The following HABP4 variants were observed in gnomAD, a reference collection of about 807,000 sequenced individuals.
The protein encoded by HABP4 is intracellular hyaluronan-binding protein 4.
A neutral mutation model predicts 44.1 loss-of-function variants in HABP4; 32 were observed. The observed-to-expected ratio is 0.73, with a 90% CI of 0.55 to 0.97. The LOEUF is 0.97. Among genes scored for constraint, HABP4 ranks in the 50% least tolerant of loss-of-function variants. The pLI is 0.00. For missense variants in HABP4, 503 were observed against 561.9 expected (o/e 0.90, Z 1.06); for synonymous variants, 216 against 218.0 (o/e 0.99, Z 0.08).
In HABP4 at chr9:96,462,611, C is replaced by CA. The variant is rs35043603; in HGVS notation, c.513-2712dup. Among the ~76,000 whole-genome samples, 963 of 126,328 alleles carry CA rather than the reference C, an allele frequency of 7.6e-3. 4 individuals are homozygous for CA. Among genetic ancestry groups the CA allele is most frequent in the African/African-American group, 0.017 (617 of 35,534 alleles). The allele number at this position is 126,328 out of a possible 152,430, so 82.9% of individuals were successfully genotyped here. A position where few individuals can be genotyped will look rare whatever the true frequency, so the allele number is the denominator to read the frequency against. On this transcript the variant is annotated intron_variant, in intron 2 of 7. Transcript: ENST00000375249. ...TGGGAGACAGAACGAGACTCTGTCT[C>CA]AAAAAAAAAAAAAAGAGAGAGAGTT...
At chr9:96,464,510 T>C (rs1185353938) in intron 2 of HABP4, among the ~76,000 whole-genome samples, 1 of 152,350 alleles carries the variant, frequency 6.6e-6, no homozygotes, top group East Asian at 1.9e-4. Flanking sequence ...AACTTTTCCC[T>C]TCTGTGAATC....
intron 5 of HABP4, among the ~76,000 whole-genome samples, chr9:96,477,989 C>T (rs572302839): frequency 2.0e-5 from 3 of 152,288 alleles, no homozygotes; most frequent in South Asian, 2.1e-4. Flanking sequence ...GTTCTTTCTC[C>T]GAGCATACTT....
intron 5 of HABP4, among the ~76,000 whole-genome samples, chr9:96,479,643 T>C (rs1253782984): frequency 6.6e-6 from 1 of 151,988 alleles, no homozygotes; most frequent in Non-Finnish European, 1.5e-5. Context: ...CCCGAGTAGC[T>C]GGGATTACAG....
chr9:96,467,023 AGTGATTCTCCTG>A lies in HABP4; in HGVS notation c.743+1246_743+1257del, dbSNP rs376806062. Among the ~76,000 whole-genome samples, 686 of 151,462 alleles carry A rather than the reference AGTGATTCTCCTG, an allele frequency of 4.5e-3. 9 individuals are homozygous for A. Among genetic ancestry groups the A allele is most frequent in the African/African-American group, 0.016 (663 of 41,208 alleles). Reference sequence around the variant, plus strand: ...CTGCAACCTCCGCTGCCCAGGTTCAAGTGATTCTCCTGCCTCAGCCTCCCAGGTAGGTGGGAC... The same window carrying A: ...CTGCAACCTCCGCTGCCCAGGTTCAACCTCAGCCTCCCAGGTAGGTGGGAC... On this transcript the variant is annotated intron_variant, in intron 4 of 7. Transcript: ENST00000375249.
intron 4 of HABP4, among the ~76,000 whole-genome samples, chr9:96,468,163 A>G (rs1422755834): frequency 6.6e-6 from 1 of 151,764 alleles, no homozygotes; most frequent in African/African-American, 2.4e-5. Context: ...GCTTACCATA[A>G]CCTTGAAACC....
At chr9:96,465,205 T>TA in intron 2 of HABP4, 132 bp from the exon 3 acceptor site, 1 of 678,182 alleles carries the variant, frequency 1.5e-6, no homozygotes, top group Non-Finnish European at 2.6e-6. Context: ...CACTAAAGGT[T>TA]AACTATTAAT....
chr9:96,490,729 T>G lies in HABP4; in HGVS notation c.*691T>G, dbSNP rs1421269700. On this transcript the variant is annotated 3_prime_UTR_variant, in exon 8 of 8. Coordinates refer to ENST00000375249, the MANE Select transcript of HABP4 (RefSeq NM_014282.4). Reference sequence around the variant, plus strand: ...GGTGGTTTTTAGGAAGAATATTAAGTATGTGACTTCAAAAACCATGTTATT... The same window carrying G: ...GGTGGTTTTTAGGAAGAATATTAAGGATGTGACTTCAAAAACCATGTTATT... The G allele has an allele frequency of 6.6e-6, 1 of 152,136 alleles. No homozygotes were observed. Among genetic ancestry groups the G allele is most frequent in the Non-Finnish European group, 1.5e-5 (1 of 68,032 alleles). The allele number at this position is 152,136 out of a possible 1,614,324, so 9.4% of individuals were successfully genotyped here.
At chr9:96,451,884 A>G (rs1587766120) in intron 1 of HABP4, among the ~76,000 whole-genome samples, 1 of 152,192 alleles carries the variant, frequency 6.6e-6, no homozygotes, top group Non-Finnish European at 1.5e-5. Flanking sequence ...TTACATCAAT[A>G]TAATAAAGGA....
intron 5 of HABP4, among the ~76,000 whole-genome samples, chr9:96,479,049 G>A (rs1413354342): frequency 6.6e-6 from 1 of 152,148 alleles, no homozygotes; most frequent in African/African-American, 2.4e-5. Flanking sequence ...CCAGGGACTT[G>A]ATTGTTTCCA....
At chr9:96,481,167 C>T (rs1266873052) in intron 5 of HABP4, among the ~76,000 whole-genome samples, 1 of 152,140 alleles carries the variant, frequency 6.6e-6, no homozygotes, top group Non-Finnish European at 1.5e-5. Context: ...TCACTGCAAC[C>T]TCCGCCTCCC....
chr9:96,477,899 T>A (rs1832808312), intron 5 of HABP4, among the ~76,000 whole-genome samples: 1 of 152,222 alleles, frequency 6.6e-6, no homozygotes, highest in Non-Finnish European at 1.5e-5. Flanking sequence ...TGATCTACTT[T>A]CTGTCACTAC....
At chr9:96,454,448 CTT>C (rs994572427) in intron 1 of HABP4, among the ~76,000 whole-genome samples, 6 of 127,286 alleles carry the variant, frequency 4.7e-5, no homozygotes, top group Admixed American at 1.6e-4. Context: ...GTTCTGAACT[CTT>C]TTTTTTTTTT....
intron 2 of HABP4, among the ~76,000 whole-genome samples, chr9:96,464,049 G>A (rs1832554255): frequency 1.3e-5 from 2 of 152,202 alleles, no homozygotes; most frequent in African/African-American, 4.8e-5. Context: ...GGTGCCCAGC[G>A]ACGGTGCAGG....
intron 5 of HABP4, among the ~76,000 whole-genome samples, chr9:96,477,344 T>C (rs987154255): frequency 1.3e-5 from 2 of 152,210 alleles, no homozygotes; most frequent in East Asian, 1.9e-4. Flanking sequence ...TGGAAAATTA[T>C]ACAAATTAAG....
At chr9:96,469,046 C>T (rs1014505257) in intron 4 of HABP4, among the ~76,000 whole-genome samples, 1 of 152,192 alleles carries the variant, frequency 6.6e-6, no homozygotes, top group Non-Finnish European at 1.5e-5. Context: ...ACAGCAATAA[C>T]TGGATTTAAG....
At chr9:96,470,973 G>A in intron 4 of HABP4, 38 bp from the exon 5 acceptor site, 1 of 1,139,880 alleles carries the variant, frequency 8.8e-7, no homozygotes, top group Non-Finnish European at 1.3e-6. Context: ...TGGTATGAAT[G>A]TATTTGTGTG....
intron 4 of HABP4, among the ~76,000 whole-genome samples, chr9:96,466,521 C>T (rs1047211346): frequency 6.6e-6 from 1 of 152,210 alleles, no homozygotes; most frequent in Non-Finnish European, 1.5e-5. Context: ...CAGGCATGAG[C>T]TACCACATCT....
intron 4 of HABP4, among the ~76,000 whole-genome samples, chr9:96,468,549 G>A (rs1380270636): frequency 6.6e-6 from 1 of 151,858 alleles, no homozygotes; most frequent in African/African-American, 2.4e-5. Context: ...GTGAGCCACC[G>A]TGCCCGGCCT....
chr9:96,454,412 G>A (rs1014802606), intron 1 of HABP4, among the ~76,000 whole-genome samples: 4 of 149,660 alleles, frequency 2.7e-5, no homozygotes, highest in Non-Finnish European at 5.9e-5. Context: ...GGCTTTTTCT[G>A]CCTTACATTT....
Sources: gnomAD v4.1 joint callset for allele counts (sites outside exome capture counted in the v4.1 genomes callset) on GRCh38, gnomAD v4.1.1 for gene constraint, MANE v1.5 for transcripts, NCBI Gene and HGNC (gene_info 2026-07-23, HGNC 2026-07-21) for gene names.